The following SLCO6A1 variants were observed in gnomAD, a reference collection of about 807,000 sequenced individuals.
SLCO6A1 encodes cancer/testis antigen 48.
A neutral mutation model predicts 72.7 loss-of-function variants in SLCO6A1; 65 were observed. That is an observed-to-expected ratio of 0.89 (90% CI 0.73 to 1.10). The LOEUF (loss-of-function observed/expected upper bound fraction) is 1.10. Ranked by LOEUF, SLCO6A1 falls within the 50% of genes least tolerant of loss-of-function variation. SLCO6A1 has a pLI of 0.00. For synonymous variants in SLCO6A1, 314 were observed against 298.2 expected (o/e 1.05, Z -0.55); for missense variants, 874 against 872.6 (o/e 1.00, Z -0.02).
intron 12 of SLCO6A1, among the ~76,000 whole-genome samples, chr5:102,377,707 T>G (rs1375869611): frequency 6.6e-6 from 1 of 151,940 alleles, no homozygotes; most frequent in Admixed American, 6.6e-5. Context: ...AATCTCACTC[T>G]GTCACCCAGG....
chr5:102,492,400 A>G (rs1303080840), intron 1 of SLCO6A1, among the ~76,000 whole-genome samples: 2 of 152,176 alleles, frequency 1.3e-5, no homozygotes, highest in Admixed American at 1.3e-4. Context: ...AAAATACTCA[A>G]TGGGTGCACT....
At chr5:102,425,021 CAT>C in intron 7 of SLCO6A1, among the ~76,000 whole-genome samples, 1 of 152,256 alleles carries the variant, frequency 6.6e-6, no homozygotes, top group Non-Finnish European at 1.5e-5. Context: ...ACAAAAACCA[CAT>C]GATTATCTCA....
At chr5:102,425,035 T>C (rs1748812752) in intron 7 of SLCO6A1, among the ~76,000 whole-genome samples, 1 of 152,148 alleles carries the variant, frequency 6.6e-6, no homozygotes, top group Non-Finnish European at 1.5e-5. Flanking sequence ...ATTATCTCAA[T>C]AGATGCAGAA....
chr5:102,397,659 C>T (rs1747168110), intron 10 of SLCO6A1, among the ~76,000 whole-genome samples: 2 of 152,238 alleles, frequency 1.3e-5, no homozygotes, highest in South Asian at 2.1e-4. Context: ...CGTATCAAGA[C>T]CAAACCCTCT....
At chr5:102,386,527 C>T (rs1351049439) in intron 12 of SLCO6A1, among the ~76,000 whole-genome samples, 4 of 152,120 alleles carry the variant, frequency 2.6e-5, no homozygotes, top group African/African-American at 7.2e-5. Context: ...CCTGGGAATA[C>T]AGGGGACAGG....
At chr5:102,383,236 T>C (rs139798669) in intron 12 of SLCO6A1, among the ~76,000 whole-genome samples, 44 of 151,306 alleles carry the variant, frequency 2.9e-4, no homozygotes, top group Middle Eastern at 3.4e-3. Flanking sequence ...CCCACACATA[T>C]TGAATAGAAG....
chr5:102,461,788 T>C (rs1293753971), intron 4 of SLCO6A1, among the ~76,000 whole-genome samples: 2 of 152,098 alleles, frequency 1.3e-5, no homozygotes, highest in Admixed American at 6.6e-5. Flanking sequence ...AATATAAACA[T>C]ACAAACACAT....
At chr5:102,490,433 G>C (rs1364937535) in intron 1 of SLCO6A1, among the ~76,000 whole-genome samples, 1 of 152,132 alleles carries the variant, frequency 6.6e-6, no homozygotes, top group Non-Finnish European at 1.5e-5. Context: ...ACATGTATTA[G>C]TCCATTTTCA....
chr5:102,373,769 T>C (rs1337802307), intron 12 of SLCO6A1, among the ~76,000 whole-genome samples: 5 of 152,202 alleles, frequency 3.3e-5, no homozygotes, highest in Non-Finnish European at 5.9e-5. Flanking sequence ...TTCTGAAACA[T>C]GAAATATAAA....
chr5:102,407,191 G>A (rs1292714225), intron 9 of SLCO6A1, among the ~76,000 whole-genome samples: 1 of 152,142 alleles, frequency 6.6e-6, no homozygotes, highest in Non-Finnish European at 1.5e-5. Flanking sequence ...CCATTGCCAT[G>A]GCGACAGTAG....
At chr5:102,478,062 C>A (rs980015629) in intron 2 of SLCO6A1, among the ~76,000 whole-genome samples, 1 of 151,834 alleles carries the variant, frequency 6.6e-6, no homozygotes, top group Non-Finnish European at 1.5e-5. Flanking sequence ...CAATTTGGGC[C>A]AGACACAGCA....
intron 1 of SLCO6A1, among the ~76,000 whole-genome samples, chr5:102,491,727 C>T (rs1229225468): frequency 6.6e-6 from 1 of 152,212 alleles, no homozygotes; most frequent in Non-Finnish European, 1.5e-5. Context: ...CCGTGCCTCT[C>T]CCTCCACACC....
intron 1 of SLCO6A1, among the ~76,000 whole-genome samples, chr5:102,484,982 T>C (rs1268437200): frequency 6.6e-6 from 1 of 152,132 alleles, no homozygotes; most frequent in Non-Finnish European, 1.5e-5. Flanking sequence ...GCCAGGAGCA[T>C]GGCTCATGCC....
intron 4 of SLCO6A1, among the ~76,000 whole-genome samples, chr5:102,469,947 G>A (rs894510597): frequency 3.9e-5 from 6 of 152,088 alleles, no homozygotes; most frequent in Non-Finnish European, 5.9e-5. Context: ...TTCTGTTTAT[G>A]TGAGTGGATT....
intron 4 of SLCO6A1, among the ~76,000 whole-genome samples, chr5:102,466,901 T>C: frequency 6.6e-6 from 1 of 152,132 alleles, no homozygotes; most frequent in East Asian, 1.9e-4. Flanking sequence ...ATATTCCTTA[T>C]AGATGCTGGA....
At chr5:102,377,604 G>A (rs1254877272) in intron 12 of SLCO6A1, among the ~76,000 whole-genome samples, 1 of 150,998 alleles carries the variant, frequency 6.6e-6, no homozygotes, top group East Asian at 1.9e-4. Context: ...TTACACCTCA[G>A]TTTTTTTTAA....
At chr5:102,384,534 T>G (rs1319563016) in intron 12 of SLCO6A1, among the ~76,000 whole-genome samples, 2 of 152,094 alleles carry the variant, frequency 1.3e-5, no homozygotes, top group Non-Finnish European at 2.9e-5. Flanking sequence ...TGTTACAGTT[T>G]CTGGTTACCA....
chr5:102,458,533 A>C (rs1314975046), intron 5 of SLCO6A1, 42 bp from the exon 6 acceptor site: 3 of 1,401,968 alleles, frequency 2.1e-6, no homozygotes, highest in African/African-American at 1.4e-5. Flanking sequence ...ATATTCAAAT[A>C]ACTAAAACCC....
chr5:102,485,208 A>G lies in SLCO6A1; in HGVS notation c.359-4774T>C, dbSNP rs148574203. The stretch of plus-strand genomic sequence containing the variant: ...GGAGGTTGTGGTGAGCTGAGATTGC[A>G]CCATTGCATTCCAGTCTGGGCAACA... On this transcript the variant is annotated intron_variant, in intron 1 of 13. Coordinates refer to ENST00000506729, the MANE Select transcript of SLCO6A1 (RefSeq NM_173488.5). 8.9e-3 allele frequency among the ~76,000 whole-genome samples: 1,344 copies of G among 151,118 alleles called. 19 individuals are homozygous for G. Among genetic ancestry groups the G allele is most frequent in the African/African-American group, 0.031 (1,278 of 41,140 alleles).
Sources: gnomAD v4.1 joint callset for allele counts (sites outside exome capture counted in the v4.1 genomes callset) on GRCh38, gnomAD v4.1.1 for gene constraint, MANE v1.5 for transcripts, NCBI Gene and HGNC (gene_info 2026-07-23, HGNC 2026-07-21) for gene names.